Variants in CTDSPL observed in about 807,000 individuals in gnomAD.
CTDSPL encodes the protein CTD small phosphatase-like protein.
CTDSPL carries 8 observed loss-of-function variants against 30.5 expected under a neutral mutation model. The observed-to-expected ratio is 0.26, with a 90% CI of 0.15 to 0.47. The LOEUF (loss-of-function observed/expected upper bound fraction) is 0.47. Ranked by LOEUF, CTDSPL falls within the 20% of genes least tolerant of loss-of-function variation. CTDSPL has a pLI of 0.99. For synonymous variants in CTDSPL, 110 were observed against 137.9 expected (o/e 0.80, Z 1.42); for missense variants, 248 against 366.1 (o/e 0.68, Z 2.63).
At chr3:37,915,286 A>G (rs896257010) in intron 1 of CTDSPL, among the ~76,000 whole-genome samples, 3 of 152,000 alleles carry the variant, frequency 2.0e-5, no homozygotes, top group African/African-American at 4.8e-5. Flanking sequence ...TTGCTTAGGT[A>G]TAGTTTTATT....
intron 1 of CTDSPL, among the ~76,000 whole-genome samples, chr3:37,895,756 T>C (rs919496090): frequency 5.3e-5 from 8 of 152,090 alleles, no homozygotes; most frequent in African/African-American, 1.9e-4. Flanking sequence ...AGAGGAAAAA[T>C]AATCAAAACA....
chr3:37,978,087 GT>G (rs369568716), intron 7 of CTDSPL, among the ~76,000 whole-genome samples: 229 of 152,242 alleles, frequency 1.5e-3, no homozygotes, highest in African/African-American at 5.2e-3. Flanking sequence ...AATTTTAGCA[GT>G]TGTTGGTGAT....
At chr3:37,869,009 T>G (rs1450605437) in intron 1 of CTDSPL, among the ~76,000 whole-genome samples, 1 of 152,110 alleles carries the variant, frequency 6.6e-6, no homozygotes, top group Non-Finnish European at 1.5e-5. Context: ...TGACATCTTT[T>G]CTAGATTAAG....
At chr3:37,911,434 T>G (rs1012283064) in intron 1 of CTDSPL, among the ~76,000 whole-genome samples, 2 of 152,008 alleles carry the variant, frequency 1.3e-5, no homozygotes, top group African/African-American at 4.8e-5. Context: ...GGGAGAAAAT[T>G]AAGAGCAGGG....
chr3:37,872,565 C>CTTTTTTTTTTTTTTTTTTTTTTTTTTTT (rs1559621233), intron 1 of CTDSPL, among the ~76,000 whole-genome samples: 1 of 73,552 alleles, frequency 1.4e-5, no homozygotes, highest in Non-Finnish European at 2.7e-5. Flanking sequence ...TTTTTAAATT[C>CTTTTTTTTTTTTTTTTTTTTTTTTTTTT]TTTTATCTTT....
At chr3:37,923,870 A>G (rs1698748727) in intron 1 of CTDSPL, among the ~76,000 whole-genome samples, 1 of 152,104 alleles carries the variant, frequency 6.6e-6, no homozygotes, top group African/African-American at 2.4e-5. Flanking sequence ...CATTTAGGCT[A>G]TCAGAGCCAT....
At position 37,963,626 on chromosome 3, in the gene CTDSPL, C is replaced by G. The variant is rs78208853; in HGVS notation, c.268-945C>G. Among the ~76,000 whole-genome samples the G allele has an allele frequency of 3.9e-3, 600 of 152,292 alleles. 4 individuals are homozygous for G. The highest frequency in any genetic ancestry group is 0.014 in the African/African-American group (572 of 41,552). On this transcript the variant is annotated intron_variant, in intron 3 of 7. Transcript: ENST00000273179. ...TGCCACAAAGTAGACTAAAATACTT[C>G]AGATCATTTCTAGAATGAGGCAAGG...
intron 3 of CTDSPL, among the ~76,000 whole-genome samples, chr3:37,957,624 G>A (rs904926287): frequency 2.6e-5 from 4 of 152,200 alleles, no homozygotes; most frequent in Admixed American, 1.3e-4. Flanking sequence ...CTGTAGCTCC[G>A]AGATCAGAGA....
chr3:37,947,446 G>C (rs998725989), intron 2 of CTDSPL, among the ~76,000 whole-genome samples: 10 of 152,164 alleles, frequency 6.6e-5, no homozygotes, highest in Non-Finnish European at 1.3e-4. Flanking sequence ...TGTAATCCCA[G>C]CTACTAGGGA....
intron 1 of CTDSPL, among the ~76,000 whole-genome samples, chr3:37,920,282 C>T (rs892602335): frequency 5.3e-5 from 8 of 152,208 alleles, no homozygotes; most frequent in African/African-American, 1.9e-4. Context: ...GTGAGATCCC[C>T]AGACCTTCCT....
intron 1 of CTDSPL, among the ~76,000 whole-genome samples, chr3:37,895,220 T>G (rs1429120430): frequency 1.3e-5 from 2 of 152,210 alleles, no homozygotes; most frequent in Admixed American, 6.5e-5. Context: ...GTTTCTTTTG[T>G]TTTTTGCCAT....
chr3:37,904,033 G>A (rs1698483689), intron 1 of CTDSPL, among the ~76,000 whole-genome samples: 2 of 152,212 alleles, frequency 1.3e-5, no homozygotes, highest in Non-Finnish European at 2.9e-5. Context: ...ACACTCTTGT[G>A]GCTTCAGGAC....
chr3:37,862,501 T>A lies in CTDSPL; in HGVS notation c.79+223T>A, dbSNP rs1305144423. Among the ~76,000 whole-genome samples, 1 of 152,006 alleles carries A rather than the reference T, an allele frequency of 6.6e-6. No homozygotes were observed. The highest frequency in any genetic ancestry group is 1.5e-5 in the Non-Finnish European group (1 of 67,964). ...CTGGCGGAGAGACTGGGAGCGAGTG[T>A]GTGTGCATCTAACCGGGAGGTTGTG... On this transcript the variant is annotated intron_variant, in intron 1 of 7. Transcript: ENST00000273179. This position sits in a 1 kb window ranked among gnomAD's most constrained non-coding sequence, Gnocchi z 4.3.
At position 37,862,190 on chromosome 3, in the gene CTDSPL, C is replaced by G. The variant is rs1697948320; in HGVS notation, c.-10C>G. On this transcript the variant is annotated 5_prime_UTR_variant, in exon 1 of 8. Transcript: ENST00000273179. The surrounding 1 kb of genome is among the most constrained non-coding windows in gnomAD (Gnocchi z 4.3). ...GCCGGGCCTGCGGGCGGCCGCCGCG[C>G]CGCGCACCCATGGACGGCCCGGCCA... The G allele has an allele frequency of 1.7e-6, 2 of 1,203,916 alleles. No individual in the cohort carries two copies. Among genetic ancestry groups the G allele is most frequent in the South Asian group, 6.7e-5 (2 of 29,816 alleles). The allele number at this position is 1,203,916 out of a possible 1,614,324, so 74.6% of individuals were successfully genotyped here.
chr3:37,914,425 G>A (rs1698620656), intron 1 of CTDSPL, among the ~76,000 whole-genome samples: 1 of 152,156 alleles, frequency 6.6e-6, no homozygotes, highest in Non-Finnish European at 1.5e-5. Flanking sequence ...ATCTCAGCAG[G>A]AAGCCTTCAG....
At chr3:37,964,473 G>T (rs1482308337) in intron 3 of CTDSPL, 98 bp from the exon 4 acceptor site, 10 of 757,862 alleles carry the variant, frequency 1.3e-5, no homozygotes, top group African/African-American at 1.8e-5. Context: ...CCCATTATAC[G>T]CTTGACCAGG....
intron 1 of CTDSPL, among the ~76,000 whole-genome samples, chr3:37,899,168 G>C (rs1245531163): frequency 6.6e-6 from 1 of 152,200 alleles, no homozygotes; most frequent in East Asian, 1.9e-4. Flanking sequence ...ACCCAGAAGA[G>C]CAGTCTTGGC....
intron 1 of CTDSPL, among the ~76,000 whole-genome samples, chr3:37,938,679 G>GT (rs11427503): frequency 0.21 from 29,894 of 143,450 alleles, 4,770 homozygotes; most frequent in African/African-American, 0.36. Flanking sequence ...TTTTTTGTGG[G>GT]TTTTTTTTTT....
chr3:37,936,243 G>A (rs186996283), intron 1 of CTDSPL, among the ~76,000 whole-genome samples: 12 of 152,230 alleles, frequency 7.9e-5, no homozygotes, highest in African/African-American at 2.6e-4. Context: ...TAGAGTGTCC[G>A]GTAGGAATTC....
Sources: allele counts gnomAD v4.1 joint callset (sites outside exome capture counted in the v4.1 genomes callset), GRCh38; gene constraint gnomAD v4.1.1; non-coding constraint Gnocchi (gnomAD v3.1); transcripts MANE v1.5; gene names NCBI Gene and HGNC (gene_info 2026-07-23, HGNC 2026-07-21).